Variants in BIRC6 observed in about 807,000 individuals in gnomAD.
The protein encoded by BIRC6 is baculoviral IAP repeat containing 6, also known as dual E2 ubiquitin-conjugating enzyme/E3 ubiquitin-protein ligase BIRC6.
Under a neutral mutation model 503.3 loss-of-function variants are expected in BIRC6, and 98 were observed. The ratio of observed to expected loss-of-function variants is 0.19; its 90% CI spans 0.17 to 0.23. BIRC6 has a LOEUF of 0.23. Ranked by LOEUF, BIRC6 falls within the 10% of genes least tolerant of loss-of-function variation. The probability of loss-of-function intolerance (pLI) is 1.00; values close to 1 mark genes in which losing one functional copy is unlikely to be tolerated. For synonymous variants in BIRC6, 2,240 were observed against 2,078.7 expected (o/e 1.08, Z -2.11); for missense variants, 5,360 against 5,806.0 (o/e 0.92, Z 2.50).
intron 15 of BIRC6, among the ~76,000 whole-genome samples, chr2:32,437,365 A>C (rs1384292552): frequency 6.6e-6 from 1 of 152,194 alleles, no homozygotes. Flanking sequence ...AATAAAAAAA[A>C]CCAACACAAA....
rs552188063 is a variant in BIRC6, at chr2:32,597,511, A to C, written c.13613-240A>C. Among the ~76,000 whole-genome samples the C allele has an allele frequency of 2.2e-3, 330 of 152,288 alleles. 1 individual carries two copies. Among genetic ancestry groups the C allele is most frequent in the African/African-American group, 7.7e-3 (319 of 41,560 alleles). On this transcript the variant is annotated intron_variant, in intron 68 of 73. Coordinates refer to ENST00000421745, the MANE Select transcript of BIRC6 (RefSeq NM_016252.4). ...TGCATCTGTTAGATTGTTTTTTATA[A>C]AAGTTAAAGAAAATGTATCCCTATA... is the stretch of plus-strand genomic sequence containing the variant.
At position 32,498,267 on chromosome 2, in the gene BIRC6, G is replaced by A. The variant is rs374351103; in HGVS notation, c.8469-1280G>A. On this transcript the variant is annotated intron_variant, in intron 45 of 73. Transcript: ENST00000421745. ...TATTTTGTAGGCGTAGTTTCACCAG[G>A]TTGGCCAGGGTAGTCTCGAACTCCT... Among the ~76,000 whole-genome samples the A allele has an allele frequency of 6.6e-5, 10 of 152,224 alleles. No homozygotes were observed. In the East Asian group the frequency reaches 1.7e-3, roughly 26 times the overall value.
intron 55 of BIRC6, among the ~76,000 whole-genome samples, chr2:32,516,444 A>C (rs1454305254): frequency 2.0e-5 from 3 of 150,122 alleles, no homozygotes; most frequent in Non-Finnish European, 4.4e-5. Context: ...TGAATCAGAG[A>C]GGTGGAGGTT....
intron 66 of BIRC6, chr2:32,590,660 C>A: frequency 2.7e-6 from 1 of 374,356 alleles, no homozygotes; most frequent in Non-Finnish European, 3.7e-6. Context: ...CCATTTTGCT[C>A]ACATCCTACT....
intron 48 of BIRC6, 62 bp from the exon 49 acceptor site, chr2:32,502,980 A>G: frequency 6.6e-7 from 1 of 1,514,414 alleles, no homozygotes; most frequent in Non-Finnish European, 8.9e-7. Flanking sequence ...GTGGAAGTTT[A>G]CTTTTGATGT....
At chr2:32,526,653 T>G (rs1460783066) in intron 59 of BIRC6, 1 of 155,096 alleles carries the variant, frequency 6.4e-6, no homozygotes, top group Non-Finnish European at 1.4e-5. Context: ...GAAAAAGCAC[T>G]CCATGAAGCT....
chr2:32,393,946 CTA>C (rs10580859), intron 5 of BIRC6, among the ~76,000 whole-genome samples: 8,910 of 145,434 alleles, frequency 0.061, 282 homozygotes, highest in African/African-American at 0.091. Flanking sequence ...AACCAGAAAA[CTA>C]TATATATATA....
At chr2:32,407,087 C>T (rs984967013) in intron 9 of BIRC6, among the ~76,000 whole-genome samples, 2 of 152,130 alleles carry the variant, frequency 1.3e-5, no homozygotes, top group South Asian at 2.1e-4. Context: ...AACTCTTCTA[C>T]TTAATATAGT....
At chr2:32,374,235 T>C (rs1247940434) in intron 1 of BIRC6, among the ~76,000 whole-genome samples, 1 of 152,174 alleles carries the variant, frequency 6.6e-6, no homozygotes, top group Non-Finnish European at 1.5e-5. Flanking sequence ...AATGGCCATG[T>C]TTATATAGTC....
intron 9 of BIRC6, among the ~76,000 whole-genome samples, chr2:32,413,705 A>G (rs2042134898): frequency 6.6e-6 from 1 of 151,698 alleles, no homozygotes; most frequent in Non-Finnish European, 1.5e-5. Context: ...CTTAAGAAAA[A>G]AAAAAAAAAG....
rs544612565 is a variant in BIRC6 at position 32,459,777 on chromosome 2, T to C, written c.4754-3417T>C. Among the ~76,000 whole-genome samples, 27 of 152,014 alleles carry C rather than the reference T, an allele frequency of 1.8e-4. 1 individual carries two copies. Among genetic ancestry groups the C allele is most frequent in the Non-Finnish European group, 2.9e-4 (20 of 67,972 alleles). On this transcript the variant is annotated intron_variant, in intron 23 of 73. Transcript: ENST00000421745. ...ATGCTTTGTGGTTTTCAACATAGTT[T>C]TACATTTTTTTTTTTAGATTCTTAG...
chr2:32,572,933 G>A (rs907451057), intron 65 of BIRC6, among the ~76,000 whole-genome samples: 1 of 152,146 alleles, frequency 6.6e-6, no homozygotes. Flanking sequence ...CAAAGTACAG[G>A]ATGCTAGGTG....
At chr2:32,573,953 G>C (rs2060086578) in intron 65 of BIRC6, among the ~76,000 whole-genome samples, 1 of 151,710 alleles carries the variant, frequency 6.6e-6, no homozygotes, top group Admixed American at 6.6e-5. Flanking sequence ...TAGATATTTA[G>C]TTACATTTCT....
At chr2:32,594,948 T>G in intron 67 of BIRC6, 86 bp from the exon 68 acceptor site, 1 of 832,186 alleles carries the variant, frequency 1.2e-6, no homozygotes, top group Non-Finnish European at 1.8e-6. Flanking sequence ...CAATTTGAAC[T>G]CTAGAGGTGA....
chr2:32,479,802 A>G (rs182048810), intron 37 of BIRC6, among the ~76,000 whole-genome samples, 185 bp downstream of exon 37: 1 of 152,236 alleles, frequency 6.6e-6, no homozygotes, highest in South Asian at 2.1e-4. Context: ...ACAAAATGCT[A>G]TAATTTCATA....
rs776505867 is a variant in BIRC6 at position 32,545,856 on chromosome 2, C to G, written c.12806C>G (p.Thr4269Ser). The change falls in exon 63 of 74, where the codon ACT (threonine) becomes AGT (serine). Residue 4269 changes from threonine (T) to serine (S), a missense_variant. By Grantham distance (58) the Thr-to-Ser change is moderately conservative (BLOSUM62 1). Around this residue, in one of 16 missense-constraint regions of BIRC6, gnomAD observed 477 missense variants for 574.4 expected, o/e 0.83. Transcript: ENST00000421745. The stretch of plus-strand genomic sequence containing the variant: ...GTTCCAAACTCTAGCGTGAATCAAA[C>G]TGAGGTAGGTTCACTTTTAATTATT... ...PRVPNSSVNQTEPQVSSSHNP... is the reference protein window; with the variant it reads ...PRVPNSSVNQSEPQVSSSHNP... The G allele has an allele frequency of 2.7e-5, 44 of 1,610,466 alleles. No homozygotes were observed. The East Asian group carries it at 9.8e-4, about 36-fold the overall frequency.
chr2:32,539,341 A>G (rs927088023), intron 61 of BIRC6, among the ~76,000 whole-genome samples: 1 of 152,254 alleles, frequency 6.6e-6, no homozygotes, highest in African/African-American at 2.4e-5. Flanking sequence ...CAAAACTTCT[A>G]GATGGACGTA....
At chr2:32,506,121 T>C (rs2053773796) in intron 50 of BIRC6, among the ~76,000 whole-genome samples, 1 of 152,168 alleles carries the variant, frequency 6.6e-6, no homozygotes, top group African/African-American at 2.4e-5. Flanking sequence ...AGTGCTGAGA[T>C]TACAGGTGTG....
intron 1 of BIRC6, among the ~76,000 whole-genome samples, chr2:32,377,213 A>ATGTGTGTGTGTGTGTG (rs59912267): frequency 6.9e-6 from 1 of 144,150 alleles, no homozygotes; most frequent in African/African-American, 2.6e-5. Flanking sequence ...CTTAATATAT[A>ATGTGTGTGTGTGTGTG]TGTGTGTGTG....
Sources: gnomAD v4.1 joint callset for allele counts (sites outside exome capture counted in the v4.1 genomes callset) on GRCh38, gnomAD v4.1.1 for gene constraint, gnomAD v4.1.1 regional missense constraint, MANE v1.5 for transcripts, NCBI Gene and HGNC (gene_info 2026-07-23, HGNC 2026-07-21) for gene names.